The following SLC16A4 variants were observed in gnomAD, a reference collection of about 807,000 sequenced individuals.
SLC16A4 encodes probable monocarboxylate transporter 5.
In SLC16A4, 39 loss-of-function variants were observed where a neutral mutation model predicts 47.9. The ratio of observed to expected loss-of-function variants is 0.81; its 90% CI spans 0.63 to 1.06. SLC16A4 has a LOEUF of 1.06. SLC16A4 is among the 50% of genes least tolerant of loss of function. The pLI is 0.00. For synonymous variants in SLC16A4, 189 were observed against 199.9 expected, an observed-to-expected ratio of 0.95 and a Z score of 0.46; for missense variants, 524 against 573.8, an observed-to-expected ratio of 0.91 and a Z score of 0.89.
In SLC16A4 at chr1:110,381,638, T is replaced by C; in HGVS notation, c.364+14A>G. Reference sequence around the variant, plus strand: ...TCCTGGCCTTCTATGGTCACATAATTACAATGGACTCACCGGGTAGAAGTC... The same window carrying C: ...TCCTGGCCTTCTATGGTCACATAATCACAATGGACTCACCGGGTAGAAGTC... On this transcript the variant is annotated intron_variant, in intron 4 of 8. Coordinates refer to ENST00000369779, the MANE Select transcript of SLC16A4 (RefSeq NM_004696.3). 6.2e-7 allele frequency: 1 copy of C among 1,604,086 alleles called. No individual in the cohort carries two copies. Among genetic ancestry groups the C allele is most frequent in the Non-Finnish European group, 8.5e-7 (1 of 1,177,512 alleles).
chr1:110,376,462 CTT>C (rs1662008344), intron 7 of SLC16A4, among the ~76,000 whole-genome samples: 1 of 152,172 alleles, frequency 6.6e-6, no homozygotes, highest in Non-Finnish European at 1.5e-5. Context: ...GGGTCGAGGA[CTT>C]TGCGTCAGTT....
chr1:110,383,017 A>G (rs1293211925), intron 2 of SLC16A4, 51 bp from the exon 3 acceptor site: 3 of 1,500,120 alleles, frequency 2.0e-6, no homozygotes, highest in South Asian at 2.6e-5. Flanking sequence ...GAGCCATTAC[A>G]GAGGCAATTA....
Position 110,371,936 on chromosome 1 carries a change from A to G in SLC16A4, c.1336+3522T>C, listed in dbSNP as rs559299104. 6 of 152,282 alleles carry G rather than the reference A, an allele frequency of 3.9e-5. No homozygotes were observed. The East Asian group carries it at 1.2e-3, about 29-fold the overall frequency. The allele number at this position is 152,282 out of a possible 1,614,324, so 9.4% of individuals were successfully genotyped here. A position where few individuals can be genotyped will look rare whatever the true frequency, so the allele number is the denominator to read the frequency against. ...TTTCAATCTCTCAGTTTCAGCAAAG[A>G]TCTTATAAAGAATTTTGTTGCTTTC... On this transcript the variant is annotated intron_variant, in intron 8 of 8. Coordinates refer to ENST00000369779, the MANE Select transcript of SLC16A4 (RefSeq NM_004696.3).
At chr1:110,380,635 GGC>G (rs1307035722) in intron 5 of SLC16A4, among the ~76,000 whole-genome samples, 1 of 116,716 alleles carries the variant, frequency 8.6e-6, no homozygotes, top group Non-Finnish European at 1.9e-5. Flanking sequence ...ATGGGGCGGG[GGC>G]GGGGGGGGAA....
In SLC16A4 at chr1:110,389,356, C is replaced by T. The variant is rs752742433; in HGVS notation, c.-32-1G>A. On this transcript the variant is annotated splice_acceptor_variant, in intron 1 of 8. Transcript: ENST00000369779. LOFTEE classifies it low-confidence loss of function (5UTR_SPLICE). The stretch of plus-strand genomic sequence containing the variant: ...CTTCTATTTTAAATGCAGAAGATCC[C>T]TGTGATAAATCCAAGACAGTTGATT... The T allele has an allele frequency of 2.0e-6, 3 of 1,498,736 alleles. No homozygotes were observed. In the African/African-American group the frequency reaches 4.1e-5, roughly 21 times the overall value. 92.8% of individuals were successfully genotyped at this position (1,498,736 alleles called of 1,614,324 possible). A position where few individuals can be genotyped will look rare whatever the true frequency, so the allele number is the denominator to read the frequency against.
chr1:110,378,328 T>C (rs761593754), intron 6 of SLC16A4, among the ~76,000 whole-genome samples: 5 of 152,194 alleles, frequency 3.3e-5, no homozygotes. Flanking sequence ...GCTTTTTTGA[T>C]CCTGACAATC....
At chr1:110,364,641 G>A (rs925454588) in intron 8 of SLC16A4, among the ~76,000 whole-genome samples, 2 of 151,496 alleles carry the variant, frequency 1.3e-5, no homozygotes, top group Non-Finnish European at 2.9e-5. Flanking sequence ...CTCCCAAGTA[G>A]CTGGGATTAC....
rs538922282 is a variant in SLC16A4, at chr1:110,388,738, T to A, written c.87+499A>T. 4.6e-5 allele frequency among the ~76,000 whole-genome samples: 7 copies of A among 152,102 alleles called. No individual in the cohort carries two copies. The East Asian group carries it at 1.2e-3, about 25-fold the overall frequency. ...CTTCTGTTTGTTTGTTTTGAGAGAG[T>A]CTCTCATGGTTGCCTAGGCTGCAGT... On this transcript the variant is annotated intron_variant, in intron 2 of 8. Transcript: ENST00000369779.
At chr1:110,381,567 C>T in intron 4 of SLC16A4, 85 bp downstream of exon 4, 1 of 1,375,074 alleles carries the variant, frequency 7.3e-7, no homozygotes, top group Non-Finnish European at 1.0e-6. Flanking sequence ...GCGATCCACC[C>T]ACTTTGGCCT....
At position 110,375,098 on chromosome 1, in the gene SLC16A4, C is replaced by T. The variant is rs115150977; in HGVS notation, c.1336+360G>A. On this transcript the variant is annotated intron_variant, in intron 8 of 8. Coordinates refer to ENST00000369779, the MANE Select transcript of SLC16A4 (RefSeq NM_004696.3). ...ACCCCCGCCTTGGCCTCCCAGAGTG[C>T]TAGAATTACAGGCGTGAGCAATTGC... The T allele has an allele frequency of 9.4e-3, 1,617 of 171,424 alleles. 13 individuals are homozygous for T. Among genetic ancestry groups the T allele is most frequent in the Middle Eastern group, 0.015 (6 of 398 alleles). The allele number at this position is 171,424 out of a possible 1,614,324, so 10.6% of individuals were successfully genotyped here.
At position 110,379,172 on chromosome 1, in the gene SLC16A4, G is replaced by GA; in HGVS notation, c.710dup (p.Lys238GlnfsTer12). Reference sequence around the variant, plus strand: ...CAGCCTTCTGCGTAGTACTGTCCTTGATGGTAGACTCTTCTGTCTCATGGC... The same window carrying GA: ...CAGCCTTCTGCGTAGTACTGTCCTTGAATGGTAGACTCTTCTGTCTCATGGC... On this transcript the variant is annotated frameshift_variant, in exon 6 of 9. Transcript: ENST00000369779. LOFTEE classifies it high-confidence loss of function. 6.2e-7 allele frequency: 1 copy of GA among 1,614,200 alleles called. No homozygotes were observed. Among genetic ancestry groups the GA allele is most frequent in the Non-Finnish European group, 8.5e-7 (1 of 1,180,034 alleles).
intron 2 of SLC16A4, among the ~76,000 whole-genome samples, chr1:110,385,562 A>T (rs184806426): frequency 6.6e-4 from 101 of 152,180 alleles, no homozygotes; most frequent in African/African-American, 2.3e-3. Flanking sequence ...GGTACCATCC[A>T]CCCATTCATT....
chr1:110,382,467 A>T (rs114178490), intron 3 of SLC16A4, among the ~76,000 whole-genome samples: 3,914 of 152,172 alleles, frequency 0.026, 133 homozygotes, highest in African/African-American at 0.066. Context: ...TCAAAAAAAA[A>T]AAATAAATAA....
In SLC16A4 at chr1:110,378,894, C is replaced by G; in HGVS notation, c.989G>C (p.Gly330Ala). ...GTAAGAGGCATCCATGATGTCAATCCCCAGTGTTTTGGCTCTGGCTACCAG... is the reference window on the plus strand; with the variant it reads ...GTAAGAGGCATCCATGATGTCAATCGCCAGTGTTTTGGCTCTGGCTACCAG... ...FHLVARAKTL[G>A]IDIMDASYLV... The change falls in exon 6 of 9, where the codon GGG (glycine) becomes GCG (alanine). Residue 330 changes from glycine (G) to alanine (A), a missense_variant. Transcript: ENST00000369779. 6.2e-7 allele frequency: 1 copy of G among 1,613,882 alleles called. No individual in the cohort carries two copies. Among genetic ancestry groups the G allele is most frequent in the Non-Finnish European group, 8.5e-7 (1 of 1,179,916 alleles).
chr1:110,388,106 G>A (rs1317720824), intron 2 of SLC16A4, among the ~76,000 whole-genome samples: 3 of 152,112 alleles, frequency 2.0e-5, no homozygotes, highest in Non-Finnish European at 4.4e-5. Flanking sequence ...GGCAAGAAAA[G>A]GGTGTTTTTT....
In SLC16A4 at chr1:110,381,648, T is replaced by C. The variant is rs1662392291; in HGVS notation, c.364+4A>G. On this transcript the variant is annotated splice_donor_region_variant and intron_variant, in intron 4 of 8. Coordinates refer to ENST00000369779, the MANE Select transcript of SLC16A4 (RefSeq NM_004696.3). ...CTATGGTCACATAATTACAATGGACTCACCGGGTAGAAGTCCCATAGTCAC... is the reference window on the plus strand; with the variant it reads ...CTATGGTCACATAATTACAATGGACCCACCGGGTAGAAGTCCCATAGTCAC... 1 of 1,609,690 alleles carries C rather than the reference T, an allele frequency of 6.2e-7. No individual in the cohort carries two copies. Among genetic ancestry groups the C allele is most frequent in the Non-Finnish European group, 8.5e-7 (1 of 1,178,974 alleles).
chr1:110,384,948 G>C (rs1370804829), intron 2 of SLC16A4, among the ~76,000 whole-genome samples: 1 of 152,186 alleles, frequency 6.6e-6, no homozygotes, highest in African/African-American at 2.4e-5. Flanking sequence ...GGGAGGTCGA[G>C]GGTACGGTGA....
In SLC16A4 at chr1:110,363,956, G is replaced by GA. The variant is rs765315273; in HGVS notation, c.1337-64dup. The GA allele has an allele frequency of 6.5e-5, 100 of 1,546,226 alleles. No individual in the cohort carries two copies. In the Middle Eastern group the frequency reaches 8.7e-4, roughly 13 times the overall value. On this transcript the variant is annotated intron_variant, in intron 8 of 8. Transcript: ENST00000369779. ...TTTGCCATTAGTAACTCTCAGCCAT[G>GA]AATAGCTCCTCAAAGCAAGGAGCCT...
At chr1:110,384,324 T>A (rs1662611775) in intron 2 of SLC16A4, among the ~76,000 whole-genome samples, 1 of 152,230 alleles carries the variant, frequency 6.6e-6, no homozygotes, top group South Asian at 2.1e-4. Context: ...ATTGAGACAC[T>A]CAAGAGTGAA....
Sources: gnomAD v4.1 joint callset for allele counts (sites outside exome capture counted in the v4.1 genomes callset) on GRCh38, gnomAD v4.1.1 for gene constraint, MANE v1.5 for transcripts, NCBI Gene and HGNC (gene_info 2026-07-23, HGNC 2026-07-21) for gene names.